SCFD2: variants seen among roughly 807,000 people sequenced by gnomAD.
SCFD2 encodes the protein sec1 family domain-containing protein 2.
A neutral mutation model predicts 58.9 loss-of-function variants in SCFD2; 54 were observed. The observed-to-expected ratio is 0.92, with a 90% CI of 0.74 to 1.15. The LOEUF is 1.15. Among genes scored for constraint, SCFD2 ranks in the 50% most tolerant of loss-of-function variants. SCFD2 has a pLI of 0.00. For missense variants in SCFD2, 805 were observed against 836.6 expected (o/e 0.96, Z 0.47); for synonymous variants, 321 against 335.9 (o/e 0.96, Z 0.49).
intron 4 of SCFD2, among the ~76,000 whole-genome samples, chr4:53,266,855 T>C (rs1730999959): frequency 6.6e-6 from 1 of 152,238 alleles, no homozygotes; most frequent in Admixed American, 6.5e-5. Flanking sequence ...TTTCAAATTG[T>C]ACTCACTGCT....
rs111734164 is a variant in SCFD2 at position 53,040,828 on chromosome 4, A to T, written c.1561+104505T>A. ...GAAAAATTTGTGAAAGACCTTTATC[A>T]AGAGTGAAAATGATAACTAATTTTG... On this transcript the variant is annotated intron_variant, in intron 5 of 8. Coordinates refer to ENST00000401642, the MANE Select transcript of SCFD2 (RefSeq NM_152540.4). 6.0e-3 allele frequency among the ~76,000 whole-genome samples: 913 copies of T among 152,300 alleles called. 4 individuals carry two copies. The highest frequency in any genetic ancestry group is 9.5e-3 in the Non-Finnish European group (643 of 68,020).
intron 5 of SCFD2, among the ~76,000 whole-genome samples, chr4:53,136,984 TC>T (rs951691177): frequency 1.3e-5 from 2 of 152,242 alleles, no homozygotes; most frequent in African/African-American, 2.4e-5. Context: ...ACACTGGGCA[TC>T]ACTCCAACTC....
chr4:53,192,593 CA>C (rs1279854642), intron 4 of SCFD2, among the ~76,000 whole-genome samples: 3 of 152,188 alleles, frequency 2.0e-5, no homozygotes, highest in African/African-American at 7.2e-5. Context: ...GGCAACGATA[CA>C]AAAGAAAACC....
intron 4 of SCFD2, among the ~76,000 whole-genome samples, chr4:53,189,862 T>G (rs1436124640): frequency 1.3e-5 from 2 of 152,198 alleles, no homozygotes; most frequent in East Asian, 3.9e-4. Context: ...CATCCTTAAG[T>G]GTATATCACT....
At chr4:52,896,229 T>G (rs1719007467) in intron 7 of SCFD2, among the ~76,000 whole-genome samples, 1 of 152,238 alleles carries the variant, frequency 6.6e-6, no homozygotes, top group Non-Finnish European at 1.5e-5. Flanking sequence ...AGACATGAAG[T>G]CCTTGCCCAT....
chr4:53,087,999 G>T (rs116238356), intron 5 of SCFD2, among the ~76,000 whole-genome samples: 1,735 of 152,172 alleles, frequency 0.011, 18 homozygotes, highest in Middle Eastern at 0.034. Context: ...GTGAGGCTTG[G>T]CTCCTTCCGA....
intron 4 of SCFD2, among the ~76,000 whole-genome samples, chr4:53,177,063 T>A (rs1043348393): frequency 1.3e-5 from 2 of 152,254 alleles, no homozygotes; most frequent in African/African-American, 4.8e-5. Flanking sequence ...TCCCTTTTTG[T>A]TAGCTTTTCC....
At chr4:53,354,570 G>C (rs1734345817) in intron 1 of SCFD2, among the ~76,000 whole-genome samples, 1 of 152,220 alleles carries the variant, frequency 6.6e-6, no homozygotes, top group African/African-American at 2.4e-5. Context: ...GGCCAGAGCA[G>C]ACACCGAGGC....
chr4:53,131,206 GTAA>G (rs1482361320), intron 5 of SCFD2, among the ~76,000 whole-genome samples: 5 of 152,144 alleles, frequency 3.3e-5, no homozygotes, highest in African/African-American at 1.2e-4. Context: ...ATTTATTACT[GTAA>G]TAATAGATAA....
Position 53,237,230 on chromosome 4 carries a change from T to C in SCFD2, c.1311+36596A>G, listed in dbSNP as rs1328449189. Among the ~76,000 whole-genome samples the C allele has an allele frequency of 5.8e-4, 87 of 149,294 alleles. 1 individual carries two copies. Among genetic ancestry groups the C allele is most frequent in the Admixed American group, 2.1e-3 (32 of 15,042 alleles). On this transcript the variant is annotated intron_variant, in intron 4 of 8. Coordinates refer to ENST00000401642, the MANE Select transcript of SCFD2 (RefSeq NM_152540.4). ...ACAGAACAAAATGAAAAGTCTCCCATGTCTACTTCTTTCTACACAGACACG... is the reference window on the plus strand; with the variant it reads ...ACAGAACAAAATGAAAAGTCTCCCACGTCTACTTCTTTCTACACAGACACG...
intron 4 of SCFD2, among the ~76,000 whole-genome samples, chr4:53,199,811 T>G (rs571338721): frequency 6.6e-6 from 1 of 152,216 alleles, no homozygotes; most frequent in South Asian, 2.1e-4. Context: ...TTTTCTCAGT[T>G]TTAGAAGCTG....
chr4:53,170,953 G>A (rs1315259091), intron 4 of SCFD2, among the ~76,000 whole-genome samples: 2 of 152,122 alleles, frequency 1.3e-5, no homozygotes, highest in Admixed American at 6.5e-5. Flanking sequence ...TTCTATACAT[G>A]AGATCATGTC....
intron 3 of SCFD2, among the ~76,000 whole-genome samples, chr4:53,288,822 T>C (rs1404776183): frequency 3.3e-5 from 5 of 152,184 alleles, no homozygotes; most frequent in Non-Finnish European, 7.4e-5. Flanking sequence ...TAAAACTCAC[T>C]GGTAGAGGTA....
intron 4 of SCFD2, among the ~76,000 whole-genome samples, chr4:53,242,086 A>G (rs1314662026): frequency 6.6e-6 from 1 of 152,178 alleles, no homozygotes; most frequent in Non-Finnish European, 1.5e-5. Context: ...AGAGGCTGGC[A>G]CCCCAGCACC....
At chr4:53,277,215 C>T (rs139871125) in intron 3 of SCFD2, among the ~76,000 whole-genome samples, 2 of 152,172 alleles carry the variant, frequency 1.3e-5, no homozygotes, top group South Asian at 2.1e-4. Flanking sequence ...CAGCCTCTTA[C>T]GTGTCATTCT....
chr4:52,963,295 G>A (rs1720892187), intron 5 of SCFD2, among the ~76,000 whole-genome samples: 1 of 152,146 alleles, frequency 6.6e-6, no homozygotes, highest in African/African-American at 2.4e-5. Context: ...TCTCTCTGTT[G>A]TTTTCTCCTG....
rs1440110832 is a variant in SCFD2 at position 53,365,814 on chromosome 4, G to A, written c.128C>T (p.Thr43Ile). The change falls in exon 1 of 9, where the codon ACC becomes ATC. Residue 43 changes from threonine (T) to isoleucine (I), a missense_variant. Physicochemically the swap from Thr to Ile is moderately conservative, Grantham distance 89. This residue lies in a region of SCFD2 where 155 missense variants were observed against 149.7 expected (regional missense o/e 1.04). Coordinates refer to ENST00000401642, the MANE Select transcript of SCFD2 (RefSeq NM_152540.4). The surrounding 1 kb of genome is among the most constrained non-coding windows in gnomAD (Gnocchi z 4.3). ...ACCCCCCACCGCCTCCAGGAGACGGGTGGATCCGCAGCCCCAGTGCAGGCT... is the reference window on the plus strand; with the variant it reads ...ACCCCCCACCGCCTCCAGGAGACGGATGGATCCGCAGCCCCAGTGCAGGCT... Reference protein sequence around the residue: ...AESLHWGCGSTRLLEAVGGPD... With the variant: ...AESLHWGCGSIRLLEAVGGPD... 8.1e-6 allele frequency: 13 copies of A among 1,613,878 alleles called. No homozygotes were observed. The highest frequency in any genetic ancestry group is 3.3e-5 in the South Asian group (3 of 91,064).
chr4:52,929,261 GGT>G (rs1560483961), intron 5 of SCFD2, among the ~76,000 whole-genome samples: 1 of 152,146 alleles, frequency 6.6e-6, no homozygotes, highest in Non-Finnish European at 1.5e-5. Flanking sequence ...AGGATAGGGT[GGT>G]GGATTCATGG....
At chr4:52,986,397 G>A (rs766729064) in intron 5 of SCFD2, among the ~76,000 whole-genome samples, 13 of 151,280 alleles carry the variant, frequency 8.6e-5, no homozygotes, top group Non-Finnish European at 1.3e-4. Context: ...AAGTCAATAA[G>A]TATTCTCTCA....
Sources: gnomAD v4.1 joint callset for allele counts (sites outside exome capture counted in the v4.1 genomes callset) on GRCh38, gnomAD v4.1.1 for gene constraint, gnomAD v4.1.1 regional missense constraint, Gnocchi (gnomAD v3.1) non-coding constraint, MANE v1.5 for transcripts, NCBI Gene and HGNC (gene_info 2026-07-23, HGNC 2026-07-21) for gene names.